Variants in TPRA1 observed in about 807,000 individuals in gnomAD.
TPRA1 encodes the protein transmembrane protein adipocyte associated 1.
In TPRA1, 28 loss-of-function variants were observed where a neutral mutation model predicts 40.1. That is an observed-to-expected ratio of 0.70 (90% confidence interval 0.52 to 0.96). TPRA1 has a LOEUF of 0.96. Ranked by LOEUF, TPRA1 falls within the 40% of genes least tolerant of loss-of-function variation. The pLI, the probability that TPRA1 is intolerant of heterozygous loss-of-function variation, is 0.00. For missense variants in TPRA1, 441 were observed against 482.6 expected, an observed-to-expected ratio of 0.91 and a Z score of 0.81; for synonymous variants, 219 against 209.7, an observed-to-expected ratio of 1.04 and a Z score of -0.38.
chr3:127,591,592 T>C (rs956684509), upstream of TPRA1, among the ~76,000 whole-genome samples: 8 of 152,226 alleles, frequency 5.3e-5, no homozygotes, highest in African/African-American at 1.9e-4. Context: ...GCTCTACACC[T>C]GTTCCCCCGC....
intron 1 of TPRA1, among the ~76,000 whole-genome samples, chr3:127,583,757 G>A (rs911758425): frequency 6.6e-6 from 1 of 151,018 alleles, no homozygotes; most frequent in African/African-American, 2.4e-5. Flanking sequence ...TTCAACCTCT[G>A]CCTCCCAGGT....
chr3:127,582,846 A>T lies in TPRA1; in HGVS notation c.-17-2683T>A, dbSNP rs561410619. Among the ~76,000 whole-genome samples, 8 of 151,734 alleles carry T rather than the reference A, an allele frequency of 5.3e-5. No individual in the cohort carries two copies. The South Asian group carries it at 1.7e-3, about 32-fold the overall frequency. The stretch of plus-strand genomic sequence containing the variant: ...AGAAACCCCGCCTCTACTAAAAAAA[A>T]AAAATACAAAATTAGGGCCAGGCAC... On this transcript the variant is annotated intron_variant, in intron 1 of 10. Coordinates refer to ENST00000355552, the MANE Select transcript of TPRA1 (RefSeq NM_001136053.4).
At position 127,576,074 on chromosome 3, in the gene TPRA1, G is replaced by A; in HGVS notation, c.499-24C>T. The A allele has an allele frequency of 1.3e-6, 2 of 1,568,544 alleles. No individual in the cohort carries two copies. The highest frequency in any genetic ancestry group is 1.8e-6 in the Non-Finnish European group (2 of 1,139,916). ...CCCTGCAGGGGCAAGCAGGAAGGGA[G>A]GAAGGGAGAGGATCTCAAGGCTTCT... is the stretch of plus-strand genomic sequence containing the variant. On this transcript the variant is annotated intron_variant, in intron 6 of 10. Transcript: ENST00000355552. This position sits in a 1 kb window ranked among gnomAD's most constrained non-coding sequence, Gnocchi z 4.6.
At chr3:127,573,892 C>T (rs1333892344) in intron 10 of TPRA1, 104 bp from the exon 11 acceptor site, 5 of 1,408,308 alleles carry the variant, frequency 3.6e-6, no homozygotes, top group Non-Finnish European at 4.7e-6. Flanking sequence ...AATTGACCAA[C>T]AGTCGCCTGA....
At chr3:127,590,969 G>A (rs983577420), upstream of TPRA1, 1 of 152,288 alleles carries the variant, frequency 6.6e-6, no homozygotes, top group African/African-American at 2.4e-5. Flanking sequence ...TCGGAAAGCG[G>A]GCGGAATCGA....
In TPRA1 at chr3:127,578,874, C is replaced by T. The variant is rs192744179; in HGVS notation, c.258+866G>A. Among the ~76,000 whole-genome samples, 3 of 152,288 alleles carry T rather than the reference C, an allele frequency of 2.0e-5. No individual in the cohort carries two copies. The East Asian group carries it at 5.8e-4, about 29-fold the overall frequency. On this transcript the variant is annotated intron_variant, in intron 3 of 10. Transcript: ENST00000355552. ...TCTAAGGGCCACAGAGAAGGGAGGA[C>T]TCCAGTCAGGCAGGCCCTGCAGACA...
At position 127,573,378 on chromosome 3, in the gene TPRA1, G is replaced by A. The variant is rs1019441938; in HGVS notation, c.*143C>T. On this transcript the variant is annotated 3_prime_UTR_variant, in exon 11 of 11. Coordinates refer to ENST00000355552, the MANE Select transcript of TPRA1 (RefSeq NM_001136053.4). ...GGGGATTGGGAGCCCCAGGGAGGTG[G>A]GGCCTCCAGACTCATGGTGGGAACA... 2.7e-6 allele frequency: 3 copies of A among 1,113,222 alleles called. No homozygotes were observed. Among genetic ancestry groups the A allele is most frequent in the African/African-American group, 3.1e-5 (2 of 63,582 alleles). The allele number at this position is 1,113,222 out of a possible 1,614,324, so 69.0% of individuals were successfully genotyped here. A position where few individuals can be genotyped will look rare whatever the true frequency, so the allele number is the denominator to read the frequency against.
At chr3:127,579,621 A>T in intron 3 of TPRA1, 119 bp downstream of exon 3, 1 of 1,137,386 alleles carries the variant, frequency 8.8e-7, no homozygotes, top group South Asian at 1.5e-5. Context: ...TCCTAACGAT[A>T]TCATTTAACT....
chr3:127,580,428 T>G, intron 1 of TPRA1: 2 of 401,232 alleles, frequency 5.0e-6, no homozygotes, highest in Non-Finnish European at 9.2e-6. Flanking sequence ...AGCATCTCCA[T>G]GTGCAAGGCA....
upstream of TPRA1, chr3:127,595,518 AG>A (rs1484986219): frequency 1.3e-5 from 2 of 152,284 alleles, no homozygotes; most frequent in Admixed American, 6.5e-5. Flanking sequence ...TGCTATCGCC[AG>A]GGCCACTAAC....
chr3:127,573,725 T>C lies in TPRA1; in HGVS notation c.918A>G (p.Val306=). The C allele has an allele frequency of 6.2e-7, 1 of 1,606,474 alleles. No homozygotes were observed. Among genetic ancestry groups the C allele is most frequent in the Non-Finnish European group, 8.5e-7 (1 of 1,174,036 alleles). ...CQVDETEEPD[V]HLPQPYAVAR... ...CCACAGCGTAGGGCTGGGGTAGGTG[T>C]ACATCTGGCTCCTCTGTCTCGTCCA... is the stretch of plus-strand genomic sequence containing the variant. Residue 306 remains valine (V), a synonymous_variant, in exon 11 of 11, where the codon GTA becomes GTG. Transcript: ENST00000355552.
upstream of TPRA1, among the ~76,000 whole-genome samples, chr3:127,594,374 G>A (rs1361551842): frequency 6.6e-6 from 1 of 152,180 alleles, no homozygotes; most frequent in Non-Finnish European, 1.5e-5. Flanking sequence ...ATACATGGTG[G>A]GAAGATATGC....
chr3:127,576,310 A>G lies in TPRA1; in HGVS notation c.499-260T>C, dbSNP rs572358493. 2.0e-5 allele frequency among the ~76,000 whole-genome samples: 3 copies of G among 152,180 alleles called. No homozygotes were observed. Among genetic ancestry groups the G allele is most frequent in the African/African-American group, 2.4e-5 (1 of 41,516 alleles). On this transcript the variant is annotated intron_variant, in intron 6 of 10. Coordinates refer to ENST00000355552, the MANE Select transcript of TPRA1 (RefSeq NM_001136053.4). The surrounding 1 kb of genome is among the most constrained non-coding windows in gnomAD (Gnocchi z 4.6). ...GGACAAGGTGCAGTCCCTGCCCCCA[A>G]TCTAAGAAAGGGGCCTCTAGATGCA...
At chr3:127,589,360 G>A (rs1409506728) in intron 1 of TPRA1, among the ~76,000 whole-genome samples, 3 of 151,396 alleles carry the variant, frequency 2.0e-5, no homozygotes, top group African/African-American at 7.3e-5. Context: ...GGGGAGAGGG[G>A]CCCTCAGTGC....
At chr3:127,593,070 G>A (rs2074205163), upstream of TPRA1, among the ~76,000 whole-genome samples, 1 of 152,096 alleles carries the variant, frequency 6.6e-6, no homozygotes, top group Non-Finnish European at 1.5e-5. Flanking sequence ...TTCTTCTCTT[G>A]AGTTTTGAAC....
upstream of TPRA1, among the ~76,000 whole-genome samples, chr3:127,592,797 G>A (rs1047356462): frequency 6.6e-6 from 1 of 152,354 alleles, no homozygotes; most frequent in Middle Eastern, 3.4e-3. Flanking sequence ...AACAGGAAGT[G>A]TCCTAGTCTG....
rs377706677 is a variant in TPRA1 at position 127,572,851 on chromosome 3, T to C, written c.*670A>G. Among the ~76,000 whole-genome samples the C allele has an allele frequency of 6.6e-6, 1 of 152,162 alleles. No homozygotes were observed. The highest frequency in any genetic ancestry group is 1.5e-5 in the Non-Finnish European group (1 of 68,030). On this transcript the variant is annotated 3_prime_UTR_variant, in exon 11 of 11. Coordinates refer to ENST00000355552, the MANE Select transcript of TPRA1 (RefSeq NM_001136053.4). Reference sequence around the variant, plus strand: ...AAAACATAGTTCTCCTCTCTCTCCATGTCTGTCCCCCCTACTCAGATGGGC... The same window carrying C: ...AAAACATAGTTCTCCTCTCTCTCCACGTCTGTCCCCCCTACTCAGATGGGC...
chr3:127,589,677 C>A lies in TPRA1; in HGVS notation c.-18+733G>T, dbSNP rs556782849. Among the ~76,000 whole-genome samples the A allele has an allele frequency of 2.0e-4, 30 of 152,218 alleles. No homozygotes were observed. The South Asian group carries it at 2.1e-3, about 11-fold the overall frequency. ...CCTTTGGGCTGGCTCTCCCCCAGCT[C>A]TCTCCTGACACCTCCTCTGAGAAGC... On this transcript the variant is annotated intron_variant, in intron 1 of 10. Coordinates refer to ENST00000355552, the MANE Select transcript of TPRA1 (RefSeq NM_001136053.4).
chr3:127,590,644 G>C lies in TPRA1; in HGVS notation c.-252C>G, dbSNP rs770231465. 2.6e-5 allele frequency: 4 copies of C among 152,222 alleles called. No homozygotes were observed. The highest frequency in any genetic ancestry group is 9.6e-5 in the African/African-American group (4 of 41,468). The allele number at this position is 152,222 out of a possible 1,614,324, so 9.4% of individuals were successfully genotyped here. Reference sequence around the variant, plus strand: ...AGCTCGCCGGGCCGCGGGTCTCGCGGACACCCTGCAGCCCTTCCCGACAGC... The same window carrying C: ...AGCTCGCCGGGCCGCGGGTCTCGCGCACACCCTGCAGCCCTTCCCGACAGC... On this transcript the variant is annotated 5_prime_UTR_variant, in exon 1 of 11. Transcript: ENST00000355552.
Sources: allele counts gnomAD v4.1 joint callset (sites outside exome capture counted in the v4.1 genomes callset), GRCh38; gene constraint gnomAD v4.1.1; non-coding constraint Gnocchi (gnomAD v3.1); transcripts MANE v1.5; gene names NCBI Gene and HGNC (gene_info 2026-07-23, HGNC 2026-07-21).